The following SRSF7 variants were observed in gnomAD, a reference collection of about 807,000 sequenced individuals.
SRSF7 encodes the protein serine and arginine rich splicing factor 7, also known as serine/arginine-rich splicing factor 7.
A neutral mutation model predicts 42.2 loss-of-function variants in SRSF7; 15 were observed. The ratio of observed to expected loss-of-function variants is 0.36; its 90% CI spans 0.24 to 0.55. The LOEUF (loss-of-function observed/expected upper bound fraction) is 0.55. Ranked by LOEUF, SRSF7 falls within the 20% of genes least tolerant of loss-of-function variation. The pLI, the probability that SRSF7 is intolerant of heterozygous loss-of-function variation, is 0.88. For synonymous variants in SRSF7, 138 were observed against 107.9 expected, an observed-to-expected ratio of 1.28 and a Z score of -1.73; for missense variants, 181 against 305.9, an observed-to-expected ratio of 0.59 and a Z score of 3.04.
chr2:38,743,640 A>G lies in SRSF7; in HGVS notation c.*1493T>C. 3 of 152,678 alleles carry G rather than the reference A, an allele frequency of 2.0e-5. No individual in the cohort carries two copies. The highest frequency in any genetic ancestry group is 6.5e-5 in the Admixed American group (1 of 15,276). 9.5% of individuals were successfully genotyped at this position (152,678 alleles called of 1,614,324 possible). ...TGCAGATTTATTGTTGAGTAAACTT[A>G]TCTTTAAATAATACAGAACAATTAA... On this transcript the variant is annotated 3_prime_UTR_variant, in exon 8 of 8. Coordinates refer to ENST00000313117, the MANE Select transcript of SRSF7 (RefSeq NM_001031684.3).
At chr2:38,748,002 A>T (rs1367611869) in intron 5 of SRSF7, 45 bp downstream of exon 5, 4 of 1,389,376 alleles carry the variant, frequency 2.9e-6, no homozygotes, top group Non-Finnish European at 4.1e-6. Context: ...TACTGATAAG[A>T]TGTGAACAAT....
chr2:38,749,822 A>T, intron 2 of SRSF7, 117 bp from the exon 3 acceptor site: 1 of 1,305,376 alleles, frequency 7.7e-7, no homozygotes, highest in Non-Finnish European at 1.0e-6. Flanking sequence ...CCCCCAACAA[A>T]CTTTGGCGGT....
intron 1 of SRSF7, among the ~76,000 whole-genome samples, 157 bp from the exon 2 acceptor site, chr2:38,750,351 T>C (rs1435553745): frequency 6.6e-6 from 1 of 152,056 alleles, no homozygotes; most frequent in African/African-American, 2.4e-5. Flanking sequence ...CTGGTGAAAG[T>C]CCGCAAATCC....
chr2:38,750,923 C>CGG, intron 1 of SRSF7: 1 of 362,772 alleles, frequency 2.8e-6, no homozygotes, highest in Non-Finnish European at 5.2e-6. Context: ...CCGCCGAGGG[C>CGG]GGGGGGGGAG....
intron 4 of SRSF7, 84 bp from the exon 5 acceptor site, chr2:38,748,241 G>C (rs1667776581): frequency 2.0e-6 from 2 of 1,013,312 alleles, no homozygotes; most frequent in Non-Finnish European, 3.0e-6. Context: ...CGGTGCAGTG[G>C]CTCATGCCCA....
rs867374282 is a variant in SRSF7 at position 38,750,922 on chromosome 2, G to A, written c.28+307C>T. ...CGCAAAATGGCAGCCGCCGCCGAGGGCGGGGGGGGAGGGGGGCCGGCGGGC... is the reference window on the plus strand; with the variant it reads ...CGCAAAATGGCAGCCGCCGCCGAGGACGGGGGGGGAGGGGGGCCGGCGGGC... On this transcript the variant is annotated intron_variant, in intron 1 of 7. Coordinates refer to ENST00000313117, the MANE Select transcript of SRSF7 (RefSeq NM_001031684.3). 2.1e-5 allele frequency: 8 copies of A among 384,916 alleles called. No homozygotes were observed. In the East Asian group the frequency reaches 2.1e-4, roughly 10 times the overall value. 23.8% of individuals were successfully genotyped at this position (384,916 alleles called of 1,614,324 possible).
chr2:38,750,073 G>A lies in SRSF7; in HGVS notation c.150C>T (p.Ala50=). ...VWIARNPPGF[A]FVEFEDPRDA... is the part of the protein sequence containing the mutation. ...CTCTAGGATCTTCGAATTCCACAAAGGCAAATCCTGGAGGATTTCTCGCAA... is the reference window on the plus strand; with the variant it reads ...CTCTAGGATCTTCGAATTCCACAAAAGCAAATCCTGGAGGATTTCTCGCAA... Residue 50 remains alanine (A), a synonymous_variant, in exon 2 of 8, where the codon GCC becomes GCT. Coordinates refer to ENST00000313117, the MANE Select transcript of SRSF7 (RefSeq NM_001031684.3). The A allele has an allele frequency of 5.8e-5, 94 of 1,613,826 alleles. No individual in the cohort carries two copies. In the South Asian group the frequency reaches 9.4e-4, roughly 16 times the overall value.
At chr2:38,750,298 C>A (rs571845363) in intron 1 of SRSF7, 104 bp from the exon 2 acceptor site, 1 of 1,012,540 alleles carries the variant, frequency 9.9e-7, no homozygotes, top group African/African-American at 1.6e-5. Flanking sequence ...TTGGGTAAAG[C>A]ACATTTAATG....
chr2:38,745,156 C>T lies in SRSF7; in HGVS notation c.694G>A (p.Ala232Thr). The stretch of plus-strand genomic sequence containing the variant: ...CTTCAGTCCATTCTTTCAGGACTTG[C>T]ACTTCTGCGAGGACTTCCTGATGGG... ...RSPSGSPRRS[A>T]SPERMD The change falls in exon 8 of 8, where the codon GCA (alanine) becomes ACA (threonine). Residue 232 changes from alanine (A) to threonine (T), a missense_variant. Physicochemically the swap from Ala to Thr is moderately conservative, Grantham distance 58 (BLOSUM62 0). Coordinates refer to ENST00000313117, the MANE Select transcript of SRSF7 (RefSeq NM_001031684.3). 6.2e-7 allele frequency: 1 copy of T among 1,614,132 alleles called. No homozygotes were observed. The highest frequency in any genetic ancestry group is 8.5e-7 in the Non-Finnish European group (1 of 1,179,990).
chr2:38,747,841 G>A (rs907726616), intron 5 of SRSF7, among the ~76,000 whole-genome samples: 8 of 152,152 alleles, frequency 5.3e-5, no homozygotes, highest in African/African-American at 1.4e-4. Flanking sequence ...TCTACCACAC[G>A]GCCTAACAAG....
Position 38,743,773 on chromosome 2 carries a change from A to G in SRSF7, c.*1360T>C. On this transcript the variant is annotated 3_prime_UTR_variant, in exon 8 of 8. Coordinates refer to ENST00000313117, the MANE Select transcript of SRSF7 (RefSeq NM_001031684.3). ...CCAAAAACAATCCAAATAACTTCCA[A>G]CATACTAGCGGTCAAACTACCGAAT... 6.5e-6 allele frequency: 1 copy of G among 152,772 alleles called. No homozygotes were observed. The highest frequency in any genetic ancestry group is 2.1e-4 in the South Asian group (1 of 4,830). The allele number at this position is 152,772 out of a possible 1,614,324, so 9.5% of individuals were successfully genotyped here.
chr2:38,750,311 C>G (rs887836886), intron 1 of SRSF7, 117 bp from the exon 2 acceptor site: 1 of 878,202 alleles, frequency 1.1e-6, no homozygotes. Context: ...ATTTAATGCC[C>G]TCTATCCAAG....
chr2:38,745,126 G>C lies in SRSF7; in HGVS notation c.*7C>G. 2 of 1,614,066 alleles carry C rather than the reference G, an allele frequency of 1.2e-6. No individual in the cohort carries two copies. The highest frequency in any genetic ancestry group is 1.7e-6 in the Non-Finnish European group (2 of 1,179,934). ...TAACTTTTCCCTAAAGGGTGAACTTGAGAGCTTCAGTCCATTCTTTCAGGA... is the reference window on the plus strand; with the variant it reads ...TAACTTTTCCCTAAAGGGTGAACTTCAGAGCTTCAGTCCATTCTTTCAGGA... On this transcript the variant is annotated 3_prime_UTR_variant, in exon 8 of 8. Coordinates refer to ENST00000313117, the MANE Select transcript of SRSF7 (RefSeq NM_001031684.3).
Position 38,743,700 on chromosome 2 carries a change from A to G in SRSF7, c.*1433T>C. Reference sequence around the variant, plus strand: ...AGTGCAACAGATAAATAAGCCTGCCAGTTATACACATAACTTTATACCAAC... The same window carrying G: ...AGTGCAACAGATAAATAAGCCTGCCGGTTATACACATAACTTTATACCAAC... On this transcript the variant is annotated 3_prime_UTR_variant, in exon 8 of 8. Transcript: ENST00000313117. 2.6e-5 allele frequency: 4 copies of G among 152,808 alleles called. No homozygotes were observed. Among genetic ancestry groups the G allele is most frequent in the African/African-American group, 7.2e-5 (3 of 41,596 alleles). 9.5% of individuals were successfully genotyped at this position (152,808 alleles called of 1,614,324 possible).
At chr2:38,746,770 A>T (rs1013557722) in intron 5 of SRSF7, 23 bp from the exon 6 acceptor site, 2 of 1,613,086 alleles carry the variant, frequency 1.2e-6, no homozygotes, top group Non-Finnish European at 1.7e-6. Context: ...AGTGAAAAAC[A>T]CAATTATATC....
chr2:38,749,918 G>C (rs1452195822), intron 2 of SRSF7, 96 bp downstream of exon 2: 1 of 1,376,716 alleles, frequency 7.3e-7, no homozygotes, highest in African/African-American at 1.5e-5. Flanking sequence ...GCTATTTAAG[G>C]TCTCTTCCAG....
chr2:38,745,251 C>G (rs1429549279), intron 7 of SRSF7, 64 bp from the exon 8 acceptor site: 1 of 1,557,872 alleles, frequency 6.4e-7, no homozygotes, highest in Non-Finnish European at 8.8e-7. Flanking sequence ...TGTACATGTA[C>G]TAACTTTCAA....
chr2:38,746,850 A>G, intron 5 of SRSF7, 103 bp from the exon 6 acceptor site: 1 of 1,549,968 alleles, frequency 6.5e-7, no homozygotes, highest in Non-Finnish European at 8.7e-7. Flanking sequence ...AGAAGCTAAA[A>G]CTAAACAAGA....
chr2:38,745,360 T>A (rs1418190155), intron 7 of SRSF7, among the ~76,000 whole-genome samples, 173 bp from the exon 8 acceptor site: 1 of 152,258 alleles, frequency 6.6e-6, no homozygotes, highest in Admixed American at 6.6e-5. Context: ...GGCTTAAGAT[T>A]AGGCTACCCT....
Sources: allele counts gnomAD v4.1 joint callset (sites outside exome capture counted in the v4.1 genomes callset), GRCh38; gene constraint gnomAD v4.1.1; transcripts MANE v1.5; gene names NCBI Gene and HGNC (gene_info 2026-07-23, HGNC 2026-07-21).